Variants in FSIP1 observed in about 807,000 individuals in gnomAD.
FSIP1 encodes fibrous sheath-interacting protein 1.
In FSIP1, 65 loss-of-function variants were observed where a neutral mutation model predicts 60.9. That is an observed-to-expected ratio of 1.07 (90% CI 0.87 to 1.31). The LOEUF is 1.31. FSIP1 is among the 40% of genes most tolerant of loss of function. FSIP1 has a pLI of 0.00. For synonymous variants in FSIP1, 209 were observed against 221.2 expected, an observed-to-expected ratio of 0.94 and a Z score of 0.49; for missense variants, 675 against 665.5, an observed-to-expected ratio of 1.01 and a Z score of -0.16.
chr15:39,737,003 C>T (rs1896633869), intron 8 of FSIP1, among the ~76,000 whole-genome samples: 1 of 151,936 alleles, frequency 6.6e-6, no homozygotes, highest in South Asian at 2.1e-4. Context: ...AGGGCTGGGG[C>T]GTGGATGCAC....
At chr15:39,663,289 G>A (rs185903134) in intron 10 of FSIP1, among the ~76,000 whole-genome samples, 3 of 152,196 alleles carry the variant, frequency 2.0e-5, no homozygotes, top group Admixed American at 6.5e-5. Flanking sequence ...ATTCGCCAAC[G>A]TTGAATTTCT....
chr15:39,739,646 T>C lies in FSIP1; in HGVS notation c.780+19A>G. The stretch of plus-strand genomic sequence containing the variant: ...TCATTTAGCCCCAAATTCTGGCTTC[T>C]GAATTTCTAAGTACATACCTCAATG... On this transcript the variant is annotated intron_variant, in intron 7 of 11. Transcript: ENST00000350221. 1 of 1,579,940 alleles carries C rather than the reference T, an allele frequency of 6.3e-7. No individual in the cohort carries two copies. The highest frequency in any genetic ancestry group is 8.5e-7 in the Non-Finnish European group (1 of 1,171,620).
intron 9 of FSIP1, among the ~76,000 whole-genome samples, chr15:39,723,299 G>A (rs1595663229): frequency 1.3e-5 from 2 of 152,274 alleles, no homozygotes; most frequent in East Asian, 3.9e-4. Flanking sequence ...CGCGATCTTG[G>A]CTCACTGCAA....
chr15:39,775,046 C>T (rs1044005021), intron 2 of FSIP1, among the ~76,000 whole-genome samples: 1 of 152,150 alleles, frequency 6.6e-6, no homozygotes, highest in Admixed American at 6.5e-5. Context: ...AACACAGTTT[C>T]ACTCTGTCAC....
chr15:39,619,449 C>G (rs1891364177), intron 10 of FSIP1, among the ~76,000 whole-genome samples: 1 of 151,996 alleles, frequency 6.6e-6, no homozygotes, highest in Admixed American at 6.6e-5. Flanking sequence ...AGGTGACTGA[C>G]CCTAAGGTTA....
chr15:39,764,143 G>T (rs1273176288), intron 4 of FSIP1, among the ~76,000 whole-genome samples: 1 of 151,690 alleles, frequency 6.6e-6, no homozygotes, highest in African/African-American at 2.4e-5. Context: ...TAATTACTTT[G>T]CTTAAAGTAT....
chr15:39,629,862 C>A (rs1282858587), intron 10 of FSIP1, among the ~76,000 whole-genome samples: 1 of 152,212 alleles, frequency 6.6e-6, no homozygotes, highest in Non-Finnish European at 1.5e-5. Flanking sequence ...CCACACTGGG[C>A]AAAGTTAGGC....
intron 9 of FSIP1, among the ~76,000 whole-genome samples, chr15:39,721,892 TA>T (rs1232981794): frequency 2.0e-5 from 3 of 152,082 alleles, no homozygotes; most frequent in African/African-American, 4.8e-5. Flanking sequence ...AAATGTTGGC[TA>T]AAAAAAATCA....
chr15:39,735,550 G>A (rs560928320), intron 8 of FSIP1, among the ~76,000 whole-genome samples: 11 of 152,280 alleles, frequency 7.2e-5, no homozygotes, highest in South Asian at 4.1e-4. Context: ...AGTGGTGAGC[G>A]ACTGTGAACA....
chr15:39,761,515 A>C (rs948426330), intron 5 of FSIP1, among the ~76,000 whole-genome samples: 4 of 152,346 alleles, frequency 2.6e-5, no homozygotes, highest in African/African-American at 9.6e-5. Context: ...GTGGAATCCA[A>C]AACAATTGTA....
chr15:39,743,428 C>T (rs1183767183), intron 5 of FSIP1, among the ~76,000 whole-genome samples: 1 of 151,580 alleles, frequency 6.6e-6, no homozygotes, highest in African/African-American at 2.4e-5. Flanking sequence ...GAGCTTAACC[C>T]TTGGAGGAAA....
intron 10 of FSIP1, among the ~76,000 whole-genome samples, chr15:39,705,912 T>C (rs1254393366): frequency 6.6e-6 from 1 of 151,258 alleles, no homozygotes; most frequent in Non-Finnish European, 1.5e-5. Flanking sequence ...GAAGGAGAAT[T>C]GCTTGAACCT....
chr15:39,651,670 G>A (rs182584492), intron 10 of FSIP1, among the ~76,000 whole-genome samples: 18 of 152,216 alleles, frequency 1.2e-4, no homozygotes, highest in Non-Finnish European at 2.1e-4. Context: ...TATGATTATC[G>A]TTTGACTAGT....
Position 39,743,697 on chromosome 15 carries a change from C to T in FSIP1, c.560-1797G>A, listed in dbSNP as rs183717415. 3.3e-5 allele frequency among the ~76,000 whole-genome samples: 5 copies of T among 152,128 alleles called. No individual in the cohort carries two copies. In the South Asian group the frequency reaches 6.2e-4, roughly 19 times the overall value. ...AAATAGTAACTTTACCATGAAGAAA[C>T]CTGGTAGACACCATTTTCATTTAAA... On this transcript the variant is annotated intron_variant, in intron 5 of 11. Transcript: ENST00000350221.
At chr15:39,669,447 T>C (rs1893632362) in intron 10 of FSIP1, among the ~76,000 whole-genome samples, 1 of 152,226 alleles carries the variant, frequency 6.6e-6, no homozygotes, top group Non-Finnish European at 1.5e-5. Context: ...GCTTTCTTAC[T>C]TTGGAGATAT....
intron 1 of FSIP1, among the ~76,000 whole-genome samples, chr15:39,777,368 AC>A (rs1266175440): frequency 2.0e-5 from 3 of 151,824 alleles, no homozygotes; most frequent in Non-Finnish European, 4.4e-5. Flanking sequence ...CCCTTCTAAA[AC>A]CCATAATTCT....
intron 9 of FSIP1, among the ~76,000 whole-genome samples, chr15:39,723,290 G>A (rs978167817): frequency 3.9e-5 from 6 of 152,224 alleles, no homozygotes; most frequent in South Asian, 2.1e-4. Flanking sequence ...GTACAGTGGC[G>A]CGATCTTGGC....
chr15:39,693,723 A>C (rs764236041), intron 10 of FSIP1, among the ~76,000 whole-genome samples: 3 of 152,178 alleles, frequency 2.0e-5, no homozygotes, highest in Non-Finnish European at 4.4e-5. Context: ...CTAACTGAGG[A>C]GTTGTAATCA....
chr15:39,638,339 G>A (rs8029602), intron 10 of FSIP1, among the ~76,000 whole-genome samples: 27,584 of 152,142 alleles, frequency 0.18, 3,055 homozygotes, highest in East Asian at 0.32. Context: ...TAAGAGGAGA[G>A]CCAATGGAGC....
Sources: allele counts gnomAD v4.1 joint callset (sites outside exome capture counted in the v4.1 genomes callset), GRCh38; gene constraint gnomAD v4.1.1; transcripts MANE v1.5; gene names NCBI Gene and HGNC (gene_info 2026-07-23, HGNC 2026-07-21).